PTPRG: variants seen among roughly 807,000 people sequenced by gnomAD.
The protein encoded by PTPRG is protein tyrosine phosphatase receptor type G.
PTPRG carries 102 observed loss-of-function variants against 165.3 expected under a neutral mutation model. The observed-to-expected ratio is 0.62, with a 90% CI of 0.53 to 0.73. The LOEUF is 0.73. Ranked by LOEUF, PTPRG falls within the 30% of genes least tolerant of loss-of-function variation. The pLI, the probability that PTPRG is intolerant of heterozygous loss-of-function variation, is 0.00. For missense variants in PTPRG, 1,866 were observed against 1,861.4 expected (o/e 1.00, Z -0.05); for synonymous variants, 675 against 669.5 (o/e 1.01, Z -0.13).
chr3:61,608,378 C>G (rs777015730), intron 1 of PTPRG, among the ~76,000 whole-genome samples: 20 of 152,206 alleles, frequency 1.3e-4, no homozygotes, highest in Non-Finnish European at 2.5e-4. Context: ...TCAGGAGCAA[C>G]TATGTGATCT....
chr3:62,209,317 A>G (rs1340132802), intron 12 of PTPRG, among the ~76,000 whole-genome samples: 1 of 152,198 alleles, frequency 6.6e-6, no homozygotes, highest in Non-Finnish European at 1.5e-5. Context: ...CACAACAGGA[A>G]CCATCTGGTC....
intron 4 of PTPRG, among the ~76,000 whole-genome samples, chr3:62,023,151 A>G (rs1484306890): frequency 6.6e-6 from 1 of 152,196 alleles, no homozygotes; most frequent in African/African-American, 2.4e-5. Flanking sequence ...CTAACAATGC[A>G]TATTATCTTA....
chr3:61,934,393 T>C (rs2039435570), intron 2 of PTPRG, among the ~76,000 whole-genome samples: 1 of 152,142 alleles, frequency 6.6e-6, no homozygotes, highest in Non-Finnish European at 1.5e-5. Context: ...CTTTTCTCGG[T>C]GTGTGCATTT....
intron 1 of PTPRG, among the ~76,000 whole-genome samples, chr3:61,722,956 T>G (rs2032113359): frequency 1.3e-5 from 2 of 152,116 alleles, no homozygotes; most frequent in Non-Finnish European, 2.9e-5. Flanking sequence ...CTTAAAAAAT[T>G]ATTTGTCGAG....
intron 2 of PTPRG, among the ~76,000 whole-genome samples, chr3:61,945,560 CAAAAAA>C (rs71123242): frequency 0.029 from 1,625 of 55,390 alleles, 20 homozygotes; most frequent in African/African-American, 0.11. Flanking sequence ...ACTCCGTCAC[CAAAAAA>C]AAAAAAAAAA....
chr3:61,876,877 T>C (rs2037755182), intron 2 of PTPRG, among the ~76,000 whole-genome samples: 1 of 152,228 alleles, frequency 6.6e-6, no homozygotes, highest in Non-Finnish European at 1.5e-5. Flanking sequence ...GCCTAAAATA[T>C]TACATTTTTA....
In PTPRG at chr3:62,074,180, A is replaced by AGTGTGTGTGT. The variant is rs140019903; in HGVS notation, c.520-3960_520-3951dup. Among the ~76,000 whole-genome samples the AGTGTGTGTGT allele has an allele frequency of 5.3e-3, 764 of 143,680 alleles. 3 individuals are homozygous for AGTGTGTGTGT. Among genetic ancestry groups the AGTGTGTGTGT allele is most frequent in the African/African-American group, 9.0e-3 (345 of 38,148 alleles). The allele number at this position is 143,680 out of a possible 152,430, so 94.3% of individuals were successfully genotyped here. A position where few individuals can be genotyped will look rare whatever the true frequency, so the allele number is the denominator to read the frequency against. Reference sequence around the variant, plus strand: ...CAGATGATTGAGGAAAAAAAGTGAGAGTGTGTGTGTGTGTGTGTGTGTGTG... The same window carrying AGTGTGTGTGT: ...CAGATGATTGAGGAAAAAAAGTGAGAGTGTGTGTGTGTGTGTGTGTGTGTGTGTGTGTGTG... On this transcript the variant is annotated intron_variant, in intron 4 of 29. Transcript: ENST00000474889.
At chr3:61,672,137 A>T (rs1040036315) in intron 1 of PTPRG, among the ~76,000 whole-genome samples, 5 of 144,696 alleles carry the variant, frequency 3.5e-5, no homozygotes, top group Non-Finnish European at 6.0e-5. Context: ...CCGGGCAGAG[A>T]TGCTCCTCAC....
intron 1 of PTPRG, among the ~76,000 whole-genome samples, chr3:61,668,921 T>C (rs1011829878): frequency 2.6e-5 from 4 of 152,244 alleles, no homozygotes; most frequent in Non-Finnish European, 4.4e-5. Flanking sequence ...TTTTTGCTTA[T>C]ACTAAATTCA....
At chr3:62,246,652 C>A (rs894498357) in intron 15 of PTPRG, among the ~76,000 whole-genome samples, 15 of 152,230 alleles carry the variant, frequency 9.9e-5, no homozygotes, top group African/African-American at 3.6e-4. Flanking sequence ...TTTACCACAA[C>A]TTTTCTTTAA....
intron 1 of PTPRG, among the ~76,000 whole-genome samples, chr3:61,707,991 G>A (rs1334061766): frequency 6.6e-6 from 1 of 152,034 alleles, no homozygotes; most frequent in Non-Finnish European, 1.5e-5. Flanking sequence ...GTTTCACCAT[G>A]TTGCTCAGGC....
chr3:61,989,829 C>T, intron 3 of PTPRG, 25 bp downstream of exon 3: 1 of 1,611,230 alleles, frequency 6.2e-7, no homozygotes, highest in Non-Finnish European at 8.5e-7. Context: ...CTTTATTTGT[C>T]CACAGAGCAA....
In PTPRG at chr3:61,562,130, C is replaced by A; in HGVS notation, c.-158C>A. The A allele has an allele frequency of 6.3e-6, 3 of 477,580 alleles. No individual in the cohort carries two copies. The highest frequency in any genetic ancestry group is 7.7e-6 in the Non-Finnish European group (2 of 261,018). 29.6% of individuals were successfully genotyped at this position (477,580 alleles called of 1,614,324 possible). On this transcript the variant is annotated 5_prime_UTR_variant, in exon 1 of 30. Transcript: ENST00000474889. ...TTTTCCGGGGGGCGCTCGGCGGCTT[C>A]CCGGATTCCAAGGGGACTCGGGCCG...
intron 4 of PTPRG, among the ~76,000 whole-genome samples, chr3:62,043,354 A>G (rs778538496): frequency 1.1e-4 from 17 of 152,152 alleles, no homozygotes; most frequent in Non-Finnish European, 2.2e-4. Flanking sequence ...ATCAACATTC[A>G]ATTATCACTA....
At chr3:61,583,825 CTTGG>C (rs919875445) in intron 1 of PTPRG, among the ~76,000 whole-genome samples, 2 of 152,134 alleles carry the variant, frequency 1.3e-5, no homozygotes, top group African/African-American at 4.8e-5. Context: ...TTGTTTGGTT[CTTGG>C]TTGGTGTCTC....
intron 14 of PTPRG, among the ~76,000 whole-genome samples, chr3:62,234,414 C>A (rs573815928): frequency 1.2e-3 from 176 of 152,268 alleles, no homozygotes; most frequent in Non-Finnish European, 2.4e-3. Flanking sequence ...AGTTGCCCTC[C>A]ATAATGGGAT....
At chr3:62,062,641 A>G (rs1033139443) in intron 4 of PTPRG, among the ~76,000 whole-genome samples, 2 of 151,604 alleles carry the variant, frequency 1.3e-5, no homozygotes, top group Non-Finnish European at 2.9e-5. Context: ...GAGTAAGAAG[A>G]TAATGTTGAT....
At chr3:61,620,952 G>A (rs761979226) in intron 1 of PTPRG, among the ~76,000 whole-genome samples, 11 of 151,208 alleles carry the variant, frequency 7.3e-5, no homozygotes, top group Non-Finnish European at 8.8e-5. Context: ...TTTAATAAGC[G>A]TAGTGTGGAT....
At chr3:61,849,332 T>A (rs773932517) in intron 2 of PTPRG, among the ~76,000 whole-genome samples, 1 of 152,196 alleles carries the variant, frequency 6.6e-6, no homozygotes, top group Non-Finnish European at 1.5e-5. Context: ...CTGAATAGAT[T>A]ATGGGAACCT....
Sources: gnomAD v4.1 joint callset for allele counts (sites outside exome capture counted in the v4.1 genomes callset) on GRCh38, gnomAD v4.1.1 for gene constraint, MANE v1.5 for transcripts, NCBI Gene and HGNC (gene_info 2026-07-23, HGNC 2026-07-21) for gene names.